The following MTDH variants were observed in gnomAD, a reference collection of about 807,000 sequenced individuals.
MTDH encodes the protein metadherin.
A neutral mutation model predicts 72.7 loss-of-function variants in MTDH; 34 were observed. That is an observed-to-expected ratio of 0.47 (90% CI 0.36 to 0.62). The LOEUF is 0.62. Among genes scored for constraint, MTDH ranks in the 20% least tolerant of loss-of-function variants. MTDH has a pLI of 0.00. For missense variants in MTDH, 677 were observed against 699.4 expected, an observed-to-expected ratio of 0.97 and a Z score of 0.36; for synonymous variants, 266 against 268.9, an observed-to-expected ratio of 0.99 and a Z score of 0.10.
chr8:97,659,691 TG>T (rs1812107627), intron 1 of MTDH, among the ~76,000 whole-genome samples: 1 of 152,228 alleles, frequency 6.6e-6, no homozygotes, highest in South Asian at 2.1e-4. Flanking sequence ...CTGTAAGAAC[TG>T]AAAATAAAGC....
intron 8 of MTDH, among the ~76,000 whole-genome samples, chr8:97,712,617 G>A (rs925639523): frequency 2.0e-5 from 3 of 152,090 alleles, no homozygotes; most frequent in Non-Finnish European, 2.9e-5. Flanking sequence ...ATGTACAATC[G>A]CTGGGTGTTA....
At chr8:97,675,501 A>G (rs1050355052) in intron 2 of MTDH, among the ~76,000 whole-genome samples, 1 of 150,702 alleles carries the variant, frequency 6.6e-6, no homozygotes, top group Non-Finnish European at 1.5e-5. Flanking sequence ...TGGAGGTTGC[A>G]GTGAGACGAG....
chr8:97,654,348 CAAG>C (rs780842390), intron 1 of MTDH, among the ~76,000 whole-genome samples: 22 of 152,248 alleles, frequency 1.4e-4, no homozygotes, highest in Non-Finnish European at 2.2e-4. Context: ...AACAAACTGA[CAAG>C]AAATTGTTCC....
chr8:97,716,177 G>A (rs972115223), intron 9 of MTDH, among the ~76,000 whole-genome samples: 20 of 151,820 alleles, frequency 1.3e-4, no homozygotes, highest in African/African-American at 3.9e-4. Context: ...ACCTGAGGTC[G>A]GGAGTTCGAG....
chr8:97,660,600 C>T (rs1006303989), intron 1 of MTDH, among the ~76,000 whole-genome samples: 20 of 151,932 alleles, frequency 1.3e-4, no homozygotes, highest in African/African-American at 4.8e-4. Context: ...TTTATTTTGC[C>T]ATACACCCTG....
At chr8:97,653,520 T>C (rs1011354435) in intron 1 of MTDH, among the ~76,000 whole-genome samples, 5 of 152,218 alleles carry the variant, frequency 3.3e-5, no homozygotes, top group Admixed American at 6.5e-5. Context: ...TCATCTTTTC[T>C]TTTCATTCTG....
chr8:97,706,803 G>A (rs1285100213), intron 8 of MTDH, 53 bp downstream of exon 8: 2 of 1,562,166 alleles, frequency 1.3e-6, no homozygotes, highest in East Asian at 2.3e-5. Flanking sequence ...AGACAGGCTG[G>A]GCACAGTGGC....
At chr8:97,672,919 T>C (rs898002307) in intron 2 of MTDH, among the ~76,000 whole-genome samples, 5 of 152,070 alleles carry the variant, frequency 3.3e-5, no homozygotes, top group Non-Finnish European at 5.9e-5. Context: ...ACTCCAGACA[T>C]ATTTAAATAA....
chr8:97,661,216 A>G (rs756179454), intron 2 of MTDH, 43 bp downstream of exon 2: 2 of 1,351,506 alleles, frequency 1.5e-6, no homozygotes, highest in Admixed American at 3.8e-5. Flanking sequence ...GACTCTTAAT[A>G]GAATGACATA....
intron 2 of MTDH, among the ~76,000 whole-genome samples, chr8:97,673,320 A>G (rs1812707002): frequency 6.6e-6 from 1 of 152,074 alleles, no homozygotes; most frequent in Admixed American, 6.6e-5. Context: ...CAGGAGTTCA[A>G]GACGAGCCTG....
In MTDH at chr8:97,722,533, C is replaced by T. The variant is rs368566029; in HGVS notation, c.1522-346C>T. Reference sequence around the variant, plus strand: ...AGGAGAATCGTTTGAACCCGGGAGGCGGAGGTTGCAGTGAGCCAAGATTGT... The same window carrying T: ...AGGAGAATCGTTTGAACCCGGGAGGTGGAGGTTGCAGTGAGCCAAGATTGT... On this transcript the variant is annotated intron_variant, in intron 10 of 11. Transcript: ENST00000336273. Among the ~76,000 whole-genome samples the T allele has an allele frequency of 2.4e-3, 369 of 152,224 alleles. 17 individuals are homozygous for T. The South Asian group carries it at 0.073, about 30-fold the overall frequency.
At chr8:97,660,950 A>G in intron 1 of MTDH, 122 bp from the exon 2 acceptor site, 1 of 564,396 alleles carries the variant, frequency 1.8e-6, no homozygotes, top group African/African-American at 1.9e-5. Context: ...GTGTACAAAA[A>G]CTTTTTAAAT....
intron 1 of MTDH, among the ~76,000 whole-genome samples, chr8:97,658,571 G>A (rs1284337411): frequency 6.6e-6 from 1 of 152,172 alleles, no homozygotes; most frequent in East Asian, 1.9e-4. Context: ...AAATCCCAAT[G>A]ACTCAGTGTC....
intron 2 of MTDH, among the ~76,000 whole-genome samples, chr8:97,683,707 T>C (rs1813233479): frequency 6.6e-6 from 1 of 152,142 alleles, no homozygotes; most frequent in South Asian, 2.1e-4. Context: ...TTAAACACTT[T>C]TTATGGCCTC....
rs547491191 is a variant in MTDH, at chr8:97,727,284, G to A, written c.*2614G>A. The A allele has an allele frequency of 1.3e-4, 19 of 151,740 alleles. No homozygotes were observed. Among genetic ancestry groups the A allele is most frequent in the Admixed American group, 1.2e-3 (18 of 15,202 alleles). 9.4% of individuals were successfully genotyped at this position (151,740 alleles called of 1,614,324 possible). Reference sequence around the variant, plus strand: ...GGAGGCTGAGGCAGGTGGATCACCTGAGGTCAGGAGTTTGAGACCAGCCTG... The same window carrying A: ...GGAGGCTGAGGCAGGTGGATCACCTAAGGTCAGGAGTTTGAGACCAGCCTG... On this transcript the variant is annotated 3_prime_UTR_variant, in exon 12 of 12. Coordinates refer to ENST00000336273, the MANE Select transcript of MTDH (RefSeq NM_178812.4).
chr8:97,656,580 C>T (rs888787270), intron 1 of MTDH, among the ~76,000 whole-genome samples: 4 of 151,426 alleles, frequency 2.6e-5, no homozygotes, highest in Admixed American at 6.6e-5. Flanking sequence ...GGATTACAGG[C>T]GTGAGCCACC....
At position 97,676,923 on chromosome 8, in the gene MTDH, T is replaced by G. The variant is rs528428354; in HGVS notation, c.484-9745T>G. On this transcript the variant is annotated intron_variant, in intron 2 of 11. Coordinates refer to ENST00000336273, the MANE Select transcript of MTDH (RefSeq NM_178812.4). ...AGGAGGCTGAGACAGGAGTATTGCTTGAACCCAGGAGGTGGATGTTGCAGT... is the reference window on the plus strand; with the variant it reads ...AGGAGGCTGAGACAGGAGTATTGCTGGAACCCAGGAGGTGGATGTTGCAGT... Among the ~76,000 whole-genome samples, 5 of 142,656 alleles carry G rather than the reference T, an allele frequency of 3.5e-5. No homozygotes were observed. In the South Asian group the frequency reaches 6.6e-4, roughly 19 times the overall value. 93.6% of individuals were successfully genotyped at this position (142,656 alleles called of 152,430 possible). A position where few individuals can be genotyped will look rare whatever the true frequency, so the allele number is the denominator to read the frequency against.
At chr8:97,691,705 G>A (rs79646854) in intron 6 of MTDH, among the ~76,000 whole-genome samples, 1 of 150,130 alleles carries the variant, frequency 6.7e-6, no homozygotes, top group Non-Finnish European at 1.5e-5. Context: ...GTGTGTGTTT[G>A]TGTGTGTGTG....
At chr8:97,682,296 T>A (rs1464108718) in intron 2 of MTDH, among the ~76,000 whole-genome samples, 1 of 44,868 alleles carries the variant, frequency 2.2e-5, no homozygotes, top group East Asian at 6.5e-4. Context: ...TTTTTTTTTT[T>A]TTTTTTTTTT....
Sources: gnomAD v4.1 joint callset for allele counts (sites outside exome capture counted in the v4.1 genomes callset) on GRCh38, gnomAD v4.1.1 for gene constraint, MANE v1.5 for transcripts, NCBI Gene and HGNC (gene_info 2026-07-23, HGNC 2026-07-21) for gene names.